Variants in AGMO observed in about 807,000 individuals in gnomAD.
The protein encoded by AGMO is alkylglycerol monooxygenase, also known as glyceryl-ether monooxygenase.
Under a neutral mutation model 60.2 loss-of-function variants are expected in AGMO, and 75 were observed. That is an observed-to-expected ratio of 1.25 (90% CI 1.03 to 1.51). The LOEUF (loss-of-function observed/expected upper bound fraction) is 1.51. Ranked by LOEUF, AGMO falls within the 40% of genes most tolerant of loss-of-function variation. The pLI is 0.00. For synonymous variants in AGMO, 261 were observed against 177.1 expected (o/e 1.47, Z -3.76); for missense variants, 763 against 525.5 (o/e 1.45, Z -4.42).
chr7:15,296,880 G>A (rs963685091), intron 12 of AGMO, among the ~76,000 whole-genome samples: 6 of 152,116 alleles, frequency 3.9e-5, no homozygotes, highest in African/African-American at 1.2e-4. Flanking sequence ...CTAGTGTTTT[G>A]TGGTTCTTTC....
At chr7:15,394,018 TATATTGGG>T in intron 6 of AGMO, 87 bp downstream of exon 6, 1 of 843,466 alleles carries the variant, frequency 1.2e-6, no homozygotes. Flanking sequence ...GTGTGCTGAC[TATATTGGG>T]AAATTGTGAT....
intron 10 of AGMO, among the ~76,000 whole-genome samples, chr7:15,374,232 C>A (rs76244553): frequency 0.031 from 4,747 of 152,136 alleles, 107 homozygotes; most frequent in Non-Finnish European, 0.045. Flanking sequence ...CTATCTTATT[C>A]TTTTCCCTAC....
At chr7:15,332,354 A>G (rs965255390) in intron 12 of AGMO, among the ~76,000 whole-genome samples, 1 of 152,154 alleles carries the variant, frequency 6.6e-6, no homozygotes, top group African/African-American at 2.4e-5. Context: ...GAGTTCATCT[A>G]AACTGTTAAA....
At chr7:15,398,946 AG>A (rs1335540480) in intron 5 of AGMO, among the ~76,000 whole-genome samples, 1 of 152,206 alleles carries the variant, frequency 6.6e-6, no homozygotes, top group Non-Finnish European at 1.5e-5. Flanking sequence ...TAAGACATAC[AG>A]CAATTTTCCA....
rs142313315 is a variant in AGMO, at chr7:15,338,334, A to G, written c.1263+27180T>C. ...CATTCATCTGATAGCTGAACATTTAATAGTTATATACATTAATTTTTAACT... is the reference window on the plus strand; with the variant it reads ...CATTCATCTGATAGCTGAACATTTAGTAGTTATATACATTAATTTTTAACT... On this transcript the variant is annotated intron_variant, in intron 12 of 12. Transcript: ENST00000342526. Among the ~76,000 whole-genome samples, 44 of 152,318 alleles carry G rather than the reference A, an allele frequency of 2.9e-4. No individual in the cohort carries two copies. The East Asian group carries it at 6.6e-3, about 23-fold the overall frequency.
the AGMO span, among the ~76,000 whole-genome samples, chr7:15,171,709 T>C: frequency 6.6e-6 from 1 of 152,242 alleles, no homozygotes; most frequent in African/African-American, 2.4e-5. Context: ...ATACCATGTG[T>C]GTTTTATAAT....
rs574480240 is a variant in AGMO at position 15,359,542 on chromosome 7, A to G, written c.1263+5972T>C. ...ATCATGTATGTTTTTTTGTAGAAGT[A>G]AAGTTTTTTGCAAGCAGTTCTTAAA... On this transcript the variant is annotated intron_variant, in intron 12 of 12. Transcript: ENST00000342526. Among the ~76,000 whole-genome samples the G allele has an allele frequency of 1.6e-4, 24 of 152,262 alleles. 1 individual carries two copies. Among genetic ancestry groups the G allele is most frequent in the African/African-American group, 5.8e-4 (24 of 41,558 alleles).
At chr7:15,127,525 A>C in the AGMO span, among the ~76,000 whole-genome samples, 1 of 152,116 alleles carries the variant, frequency 6.6e-6, no homozygotes, top group African/African-American at 2.4e-5. Flanking sequence ...AGAAGATACC[A>C]AGGGAAATAC....
intron 3 of AGMO, among the ~76,000 whole-genome samples, chr7:15,508,849 A>T (rs956337968): frequency 2.0e-5 from 3 of 152,230 alleles, no homozygotes; most frequent in African/African-American, 7.2e-5. Flanking sequence ...AACACATAAA[A>T]ATATACCATA....
intron 3 of AGMO, among the ~76,000 whole-genome samples, chr7:15,434,586 G>C (rs1404793669): frequency 6.6e-6 from 1 of 152,112 alleles, no homozygotes; most frequent in East Asian, 1.9e-4. Flanking sequence ...CTCAGTCCAA[G>C]CCTCATGAAG....
intron 12 of AGMO, among the ~76,000 whole-genome samples, chr7:15,281,865 C>T (rs1783975985): frequency 1.3e-5 from 2 of 152,096 alleles, no homozygotes; most frequent in Admixed American, 6.5e-5. Flanking sequence ...CCATTCCAAC[C>T]TCACAGGAGA....
rs189457774 is a variant in AGMO, at chr7:15,409,737, A to T, written c.609+8821T>A. Among the ~76,000 whole-genome samples the T allele has an allele frequency of 4.3e-3, 658 of 151,928 alleles. 4 individuals are homozygous for T. The highest frequency in any genetic ancestry group is 0.031 in the Middle Eastern group (9 of 294). On this transcript the variant is annotated intron_variant, in intron 5 of 12. Transcript: ENST00000342526. ...GATGCTTAATACATGGTGGCTATTT[A>T]TTACAACATTAAGATCAGAAATGAC... is the stretch of plus-strand genomic sequence containing the variant.
At chr7:15,336,275 G>A (rs76185334) in intron 12 of AGMO, among the ~76,000 whole-genome samples, 5,478 of 151,082 alleles carry the variant, frequency 0.036, 123 homozygotes, top group South Asian at 0.06. Context: ...TACCACAAAT[G>A]TATGTCCACC....
chr7:15,300,073 G>A (rs1784524457), intron 12 of AGMO, among the ~76,000 whole-genome samples: 1 of 152,010 alleles, frequency 6.6e-6, no homozygotes, highest in Non-Finnish European at 1.5e-5. Context: ...AAGAATGGAG[G>A]AAAAATAGAA....
At chr7:15,247,725 T>C (rs553832876) in intron 12 of AGMO, among the ~76,000 whole-genome samples, 1 of 152,162 alleles carries the variant, frequency 6.6e-6, no homozygotes, top group African/African-American at 2.4e-5. Context: ...CACTTTATTA[T>C]ATACTTTAAA....
intron 5 of AGMO, among the ~76,000 whole-genome samples, chr7:15,403,520 A>T (rs772496230): frequency 2.0e-5 from 3 of 151,938 alleles, no homozygotes; most frequent in Admixed American, 6.6e-5. Context: ...ATAAATGACA[A>T]CATCAGCATT....
intron 3 of AGMO, among the ~76,000 whole-genome samples, chr7:15,492,412 C>G (rs1465223673): frequency 6.8e-6 from 1 of 147,696 alleles, no homozygotes; most frequent in Non-Finnish European, 1.5e-5. Context: ...CCATAAAGAA[C>G]GTCTAGACTT....
In AGMO at chr7:15,384,963, G is replaced by C. The variant is rs947207643; in HGVS notation, c.1074+483C>G. ...GATCCCTGAACTAAATCCTGGTCTA[G>C]TGCTCTTCTATTTGCACCAGACAAA... On this transcript the variant is annotated intron_variant, in intron 10 of 12. Coordinates refer to ENST00000342526, the MANE Select transcript of AGMO (RefSeq NM_001004320.2). Among the ~76,000 whole-genome samples the C allele has an allele frequency of 2.6e-5, 4 of 151,532 alleles. No individual in the cohort carries two copies. The East Asian group carries it at 5.8e-4, about 22-fold the overall frequency.
the AGMO span, among the ~76,000 whole-genome samples, chr7:15,188,591 C>T: frequency 6.6e-6 from 1 of 152,268 alleles, no homozygotes; most frequent in East Asian, 1.9e-4. Flanking sequence ...TGGGTGATAA[C>T]AGCTAAGGAG....
Sources: gnomAD v4.1 joint callset for allele counts (sites outside exome capture counted in the v4.1 genomes callset) on GRCh38, gnomAD v4.1.1 for gene constraint, MANE v1.5 for transcripts, NCBI Gene and HGNC (gene_info 2026-07-23, HGNC 2026-07-21) for gene names.